The following ZZZ3 variants were observed in gnomAD, a reference collection of about 807,000 sequenced individuals.
ZZZ3 encodes zinc finger ZZ-type containing 3.
ZZZ3 carries 22 observed loss-of-function variants against 95.2 expected under a neutral mutation model. That is an observed-to-expected ratio of 0.23 (90% CI 0.17 to 0.33). The LOEUF (loss-of-function observed/expected upper bound fraction) is 0.33, where lower values mean the gene tolerates loss of function less well. Among genes scored for constraint, ZZZ3 ranks in the 10% least tolerant of loss-of-function variants. The pLI is 1.00. For synonymous variants in ZZZ3, 335 were observed against 358.9 expected (o/e 0.93, Z 0.75); for missense variants, 885 against 1,066.5 (o/e 0.83, Z 2.37).
intron 3 of ZZZ3, among the ~76,000 whole-genome samples, chr1:77,639,976 G>A (rs1160438041): frequency 6.7e-6 from 1 of 149,012 alleles, no homozygotes; most frequent in Non-Finnish European, 1.5e-5. Context: ...ATATCATCTC[G>A]TACTCTTGTC....
intron 4 of ZZZ3, among the ~76,000 whole-genome samples, chr1:77,635,732 C>G (rs781352353): frequency 6.6e-6 from 1 of 152,054 alleles, no homozygotes; most frequent in African/African-American, 2.4e-5. Flanking sequence ...ATGGTGAAAC[C>G]CCGTCTCTAC....
intron 5 of ZZZ3, among the ~76,000 whole-genome samples, chr1:77,606,215 G>A (rs1179406368): frequency 1.3e-5 from 2 of 152,158 alleles, no homozygotes; most frequent in African/African-American, 4.8e-5. Flanking sequence ...TACTCCCCAC[G>A]GGCCTGTGGT....
At chr1:77,674,637 A>G (rs953992066) in intron 1 of ZZZ3, among the ~76,000 whole-genome samples, 3 of 152,092 alleles carry the variant, frequency 2.0e-5, no homozygotes, top group African/African-American at 7.2e-5. Flanking sequence ...AAGAAGGAAA[A>G]AGAGGAGATT....
upstream of ZZZ3, among the ~76,000 whole-genome samples, chr1:77,683,041 C>A (rs1432066078): frequency 1.4e-5 from 2 of 143,780 alleles, no homozygotes; most frequent in Non-Finnish European, 3.1e-5. Flanking sequence ...CCCGCCCCCC[C>A]TTTCGCCCGC....
At chr1:77,576,448 GACC>G (rs1357593324) in intron 11 of ZZZ3, among the ~76,000 whole-genome samples, 4 of 151,854 alleles carry the variant, frequency 2.6e-5, no homozygotes, top group Non-Finnish European at 5.9e-5. Flanking sequence ...CGGTAAAATG[GACC>G]ACATGTTTAA....
chr1:77,680,505 C>A (rs1460492486), intron 1 of ZZZ3, among the ~76,000 whole-genome samples: 1 of 152,144 alleles, frequency 6.6e-6, no homozygotes, highest in Non-Finnish European at 1.5e-5. Context: ...TGCACTGTTA[C>A]AACAAAAAAC....
At chr1:77,583,908 GCTTTTA>G (rs1455983139) in intron 6 of ZZZ3, among the ~76,000 whole-genome samples, 3 of 151,926 alleles carry the variant, frequency 2.0e-5, no homozygotes, top group East Asian at 3.9e-4. Context: ...AACCTGTATC[GCTTTTA>G]AGTGGTTAAG....
chr1:77,682,486 A>G (rs979439570), intron 1 of ZZZ3, 99 bp downstream of exon 1: 15 of 152,554 alleles, frequency 9.8e-5, no homozygotes, highest in East Asian at 1.9e-4. Context: ...TGTTGCCTCA[A>G]TGGGGTTACT....
intron 6 of ZZZ3, among the ~76,000 whole-genome samples, chr1:77,582,802 AGTG>A (rs1662659437): frequency 6.6e-6 from 1 of 152,130 alleles, no homozygotes; most frequent in South Asian, 2.1e-4. Context: ...TCTGAAATAA[AGTG>A]AAAAGAAATT....
rs541047385 is a variant in ZZZ3, at chr1:77,582,163, G to T, written c.1645-37C>A. ...GGAGAAAAAACAAAATAAAGTAAAA[G>T]TCTAAATTTAATTAAAGAAATAATC... On this transcript the variant is annotated intron_variant, in intron 6 of 14. Transcript: ENST00000370801. The T allele has an allele frequency of 7.1e-6, 11 of 1,552,560 alleles. No individual in the cohort carries two copies. The South Asian group carries it at 1.4e-4, about 19-fold the overall frequency.
chr1:77,662,866 A>G (rs1301286238), intron 1 of ZZZ3, among the ~76,000 whole-genome samples: 1 of 152,214 alleles, frequency 6.6e-6, no homozygotes, highest in African/African-American at 2.4e-5. Flanking sequence ...ACACTTTGGG[A>G]GGCCAAGGCA....
In ZZZ3 at chr1:77,582,082, A is replaced by G. The variant is rs1348574185; in HGVS notation, c.1689T>C (p.Pro563=). ...GGGTATATTGGTCCCATACGATCTC[A>G]GGCAATTGAACAACTCTCTGTGGAT... ...LPYPQRVVQL[P]EIVWDQYTHS... is the part of the protein sequence containing the mutation. The change falls in exon 7 of 15, where the codon CCT becomes CCC. Residue 563 remains proline, a synonymous_variant. Transcript: ENST00000370801. 2 of 1,613,242 alleles carry G rather than the reference A, an allele frequency of 1.2e-6. No homozygotes were observed. Among genetic ancestry groups the G allele is most frequent in the Non-Finnish European group, 1.7e-6 (2 of 1,179,714 alleles).
In ZZZ3 at chr1:77,563,518, G is replaced by A. The variant is rs1307215832; in HGVS notation, c.*2122C>T. On this transcript the variant is annotated 3_prime_UTR_variant, in exon 15 of 15. Transcript: ENST00000370801. Reference sequence around the variant, plus strand: ...CAAAAAATGTTTGCCCTAGAAAAATGCATTCAAATGGTTTGTCTATTCCAT... The same window carrying A: ...CAAAAAATGTTTGCCCTAGAAAAATACATTCAAATGGTTTGTCTATTCCAT... The A allele has an allele frequency of 6.6e-6, 1 of 152,164 alleles. No homozygotes were observed. Among genetic ancestry groups the A allele is most frequent in the African/African-American group, 2.4e-5 (1 of 41,432 alleles). The allele number at this position is 152,164 out of a possible 1,614,324, so 9.4% of individuals were successfully genotyped here.
intron 5 of ZZZ3, among the ~76,000 whole-genome samples, chr1:77,603,194 T>C (rs1664906750): frequency 6.6e-6 from 1 of 152,068 alleles, no homozygotes; most frequent in African/African-American, 2.4e-5. Flanking sequence ...TCCTCCCACC[T>C]CAACCTCCCA....
chr1:77,673,225 A>G, intron 1 of ZZZ3, among the ~76,000 whole-genome samples: 1 of 152,204 alleles, frequency 6.6e-6, no homozygotes, highest in Non-Finnish European at 1.5e-5. Flanking sequence ...ACAGTCATAA[A>G]TCTTTCACTA....
intron 13 of ZZZ3, among the ~76,000 whole-genome samples, chr1:77,566,781 G>A (rs993104599): frequency 2.0e-5 from 3 of 152,160 alleles, no homozygotes; most frequent in Admixed American, 6.5e-5. Context: ...TGTCAAAAAG[G>A]CAGATCTAGC....
chr1:77,644,263 GC>G (rs750397603), intron 1 of ZZZ3, among the ~76,000 whole-genome samples: 9 of 151,904 alleles, frequency 5.9e-5, no homozygotes, highest in Non-Finnish European at 1.0e-4. Flanking sequence ...ATGGGGTTTT[GC>G]CATGTTGGCC....
intron 1 of ZZZ3, among the ~76,000 whole-genome samples, chr1:77,644,160 G>A (rs1032800356): frequency 1.3e-5 from 2 of 151,986 alleles, no homozygotes; most frequent in Admixed American, 1.3e-4. Context: ...CTGCCTCCTG[G>A]ATTCAAGTGA....
intron 5 of ZZZ3, among the ~76,000 whole-genome samples, chr1:77,588,289 T>C (rs1663309914): frequency 6.6e-6 from 1 of 152,118 alleles, no homozygotes; most frequent in Non-Finnish European, 1.5e-5. Flanking sequence ...ATTTTAAAGA[T>C]AAGGAAACCA....
Sources: gnomAD v4.1 joint callset for allele counts (sites outside exome capture counted in the v4.1 genomes callset) on GRCh38, gnomAD v4.1.1 for gene constraint, MANE v1.5 for transcripts, NCBI Gene and HGNC (gene_info 2026-07-23, HGNC 2026-07-21) for gene names.